The following FMN1 variants were observed in gnomAD, a reference collection of about 807,000 sequenced individuals.
FMN1 encodes formin-1.
FMN1 carries 110 observed loss-of-function variants against 132.4 expected under a neutral mutation model. The ratio of observed to expected loss-of-function variants is 0.83; its 90% CI spans 0.71 to 0.97. The LOEUF (loss-of-function observed/expected upper bound fraction) is 0.97. FMN1 is among the 50% of genes least tolerant of loss of function. The pLI is 0.00. For synonymous variants in FMN1, 722 were observed against 651.7 expected (o/e 1.11, Z -1.64); for missense variants, 1,792 against 1,705.3 (o/e 1.05, Z -0.90).
intron 9 of FMN1, among the ~76,000 whole-genome samples, chr15:32,934,598 CT>C (rs376553575): frequency 0.022 from 2,784 of 127,028 alleles, 23 homozygotes; most frequent in Non-Finnish European, 0.03. Flanking sequence ...AATTTTTTTC[CT>C]TTTTTTTTTT....
rs983468910 is a variant in FMN1 at position 33,155,038 on chromosome 15, G to A, written c.-124C>T. On this transcript the variant is annotated 5_prime_UTR_variant, in exon 4 of 21. Transcript: ENST00000616417. ...GCAGCTGACAGTCATCTCCAGCAAT[G>A]AGACTGCCTGTTAGAGGAACAGGGG... 1.4e-6 allele frequency: 1 copy of A among 703,592 alleles called. No individual in the cohort carries two copies. Among genetic ancestry groups the A allele is most frequent in the Non-Finnish European group, 2.3e-6 (1 of 431,706 alleles). The allele number at this position is 703,592 out of a possible 1,614,324, so 43.6% of individuals were successfully genotyped here. A position where few individuals can be genotyped will look rare whatever the true frequency, so the allele number is the denominator to read the frequency against.
intron 6 of FMN1, among the ~76,000 whole-genome samples, chr15:33,050,130 G>A (rs1349641321): frequency 1.3e-5 from 2 of 152,166 alleles, no homozygotes; most frequent in African/African-American, 4.8e-5. Context: ...CATATTTAAG[G>A]TAGGCTTGGC....
At chr15:33,041,409 C>G (rs1324956856) in intron 6 of FMN1, among the ~76,000 whole-genome samples, 1 of 130,190 alleles carries the variant, frequency 7.7e-6, no homozygotes, top group Admixed American at 7.9e-5. Flanking sequence ...AAAAAAAAGA[C>G]TGGAAAAAAA....
intron 4 of FMN1, among the ~76,000 whole-genome samples, chr15:33,112,020 G>GT (rs1305406081): frequency 4.6e-5 from 7 of 152,046 alleles, no homozygotes; most frequent in Non-Finnish European, 1.5e-5. Flanking sequence ...ACATTTTACT[G>GT]TAATTTTTTG....
chr15:32,940,391 T>TTGTG (rs67121672), intron 9 of FMN1, among the ~76,000 whole-genome samples: 3,058 of 145,358 alleles, frequency 0.021, 47 homozygotes, highest in African/African-American at 0.042. Flanking sequence ...AAAATAAAAA[T>TTGTG]TGTGTGTGTG....
intron 3 of FMN1, among the ~76,000 whole-genome samples, chr15:33,176,431 G>A (rs192775393): frequency 8.6e-5 from 13 of 150,462 alleles, no homozygotes; most frequent in Admixed American, 6.0e-4. Flanking sequence ...GCTTGAACCC[G>A]GGAGGCAAAG....
intron 16 of FMN1, among the ~76,000 whole-genome samples, chr15:32,878,600 T>A (rs1428836196): frequency 6.6e-6 from 1 of 152,194 alleles, no homozygotes; most frequent in Admixed American, 6.5e-5. Flanking sequence ...ACATTTGGCA[T>A]ATGCTATGAA....
chr15:33,082,020 G>GGGGGGGTGTGTGTGTGT (rs1355703560), intron 5 of FMN1, among the ~76,000 whole-genome samples: 2 of 117,762 alleles, frequency 1.7e-5, no homozygotes, highest in Admixed American at 8.1e-5. Context: ...AGAGTTCAGG[G>GGGGGGGTGTGTGTGTGT]GTGTGTGTGT....
At chr15:33,036,419 TATATTTA>T (rs1174088501) in intron 6 of FMN1, among the ~76,000 whole-genome samples, 24 of 152,368 alleles carry the variant, frequency 1.6e-4, no homozygotes, top group Middle Eastern at 3.4e-3. Context: ...ATTATCACTG[TATATTTA>T]ATATTTACTT....
intron 4 of FMN1, among the ~76,000 whole-genome samples, chr15:33,094,502 T>C (rs2039009450): frequency 6.6e-6 from 1 of 152,160 alleles, no homozygotes; most frequent in Non-Finnish European, 1.5e-5. Flanking sequence ...CCTAAATCTG[T>C]TCATGTTCCA....
chr15:32,869,203 T>C (rs904095926), intron 16 of FMN1, among the ~76,000 whole-genome samples: 1 of 152,196 alleles, frequency 6.6e-6, no homozygotes, highest in Non-Finnish European at 1.5e-5. Context: ...CTCAGATCAC[T>C]GGTGTTCTGC....
chr15:33,056,724 G>T (rs2037233648), intron 6 of FMN1, among the ~76,000 whole-genome samples: 1 of 152,176 alleles, frequency 6.6e-6, no homozygotes, highest in Admixed American at 6.5e-5. Context: ...ATTAGAACTG[G>T]ATAAATATGT....
At chr15:33,185,261 C>T (rs546272104) in intron 2 of FMN1, among the ~76,000 whole-genome samples, 38 of 152,108 alleles carry the variant, frequency 2.5e-4, no homozygotes, top group Admixed American at 4.6e-4. Flanking sequence ...TGTTTAGGTG[C>T]CATGGCAATA....
chr15:32,959,453 A>C (rs2030250892), intron 9 of FMN1, among the ~76,000 whole-genome samples: 1 of 152,196 alleles, frequency 6.6e-6, no homozygotes, highest in Non-Finnish European at 1.5e-5. Flanking sequence ...ATTTTCTTTA[A>C]AACTTAAAAC....
At chr15:33,029,208 C>T (rs1219160798) in intron 6 of FMN1, among the ~76,000 whole-genome samples, 1 of 152,012 alleles carries the variant, frequency 6.6e-6, no homozygotes, top group Non-Finnish European at 1.5e-5. Context: ...CGATTTATAG[C>T]ATAGAGAATC....
intron 17 of FMN1, among the ~76,000 whole-genome samples, chr15:32,846,154 G>C (rs2058850923): frequency 6.6e-6 from 1 of 152,164 alleles, no homozygotes; most frequent in Admixed American, 6.5e-5. Context: ...TTAAGAATTT[G>C]TTAAAGAGGG....
Position 32,768,170 on chromosome 15 carries a change from G to C in FMN1, c.*6140C>G, listed in dbSNP as rs1259976961. 6.6e-6 allele frequency: 1 copy of C among 152,156 alleles called. No individual in the cohort carries two copies. Among genetic ancestry groups the C allele is most frequent in the East Asian group, 1.9e-4 (1 of 5,196 alleles). The allele number at this position is 152,156 out of a possible 1,614,324, so 9.4% of individuals were successfully genotyped here. ...AAAATCCATGCTAAGAGTTTCCAGA[G>C]TGTTCATCCCTCAACACTTATCATC... On this transcript the variant is annotated 3_prime_UTR_variant, in exon 21 of 21. Coordinates refer to ENST00000616417, the MANE Select transcript of FMN1 (RefSeq NM_001277313.2).
At chr15:33,124,101 G>A (rs540699386) in intron 4 of FMN1, among the ~76,000 whole-genome samples, 10 of 152,272 alleles carry the variant, frequency 6.6e-5, no homozygotes, top group African/African-American at 2.2e-4. Context: ...ACCAGGTGAC[G>A]TGAATTATCA....
intron 15 of FMN1, among the ~76,000 whole-genome samples, chr15:32,889,690 T>C (rs2059978945): frequency 6.6e-6 from 1 of 151,238 alleles, no homozygotes; most frequent in South Asian, 2.1e-4. Context: ...TCCTTAAAGA[T>C]TTCCCCTAAC....
Sources: gnomAD v4.1 joint callset for allele counts (sites outside exome capture counted in the v4.1 genomes callset) on GRCh38, gnomAD v4.1.1 for gene constraint, MANE v1.5 for transcripts, NCBI Gene and HGNC (gene_info 2026-07-23, HGNC 2026-07-21) for gene names.